MGAT4C: variants seen among roughly 807,000 people sequenced by gnomAD.
MGAT4C encodes MGAT4 family member C.
In MGAT4C, 19 loss-of-function variants were observed where a neutral mutation model predicts 40.1. That is an observed-to-expected ratio of 0.47 (90% CI 0.33 to 0.70). MGAT4C has a LOEUF of 0.70. Among genes scored for constraint, MGAT4C ranks in the 30% least tolerant of loss-of-function variants. The pLI, the probability that MGAT4C is intolerant of heterozygous loss-of-function variation, is 0.02. For missense variants in MGAT4C, 491 were observed against 563.2 expected, an observed-to-expected ratio of 0.87 and a Z score of 1.30; for synonymous variants, 181 against 187.1, an observed-to-expected ratio of 0.97 and a Z score of 0.27.
intron 2 of MGAT4C, among the ~76,000 whole-genome samples, chr12:86,721,772 C>A (rs1232637518): frequency 6.6e-6 from 1 of 152,050 alleles, no homozygotes; most frequent in East Asian, 1.9e-4. Context: ...AACAAAAAAA[C>A]ACACGCAGTT....
At chr12:86,163,054 C>A (rs997769606) in intron 1 of MGAT4C, among the ~76,000 whole-genome samples, 1 of 152,156 alleles carries the variant, frequency 6.6e-6, no homozygotes, top group African/African-American at 2.4e-5. Flanking sequence ...TTTCAAATCT[C>A]ATGAAAATCT....
chr12:86,014,456 G>A (rs1399951145), intron 2 of MGAT4C, among the ~76,000 whole-genome samples: 1 of 152,224 alleles, frequency 6.6e-6, no homozygotes, highest in East Asian at 1.9e-4. Context: ...CTGCCTTGCT[G>A]TGCTGCGATG....
chr12:86,328,808 A>G (rs78633097), intron 4 of MGAT4C, among the ~76,000 whole-genome samples: 2,850 of 152,156 alleles, frequency 0.019, 82 homozygotes, highest in African/African-American at 0.054. Flanking sequence ...AGCTGACTTT[A>G]AAATAAAATA....
chr12:85,988,498 TGTTA>T (rs1350025858), intron 3 of MGAT4C, among the ~76,000 whole-genome samples: 5 of 152,212 alleles, frequency 3.3e-5, no homozygotes, highest in South Asian at 2.1e-4. Context: ...TTTTAGTTCC[TGTTA>T]GTTGTAAAGG....
chr12:86,179,451 T>C lies in MGAT4C; in HGVS notation c.-57+76788A>G, dbSNP rs537491965. Among the ~76,000 whole-genome samples the C allele has an allele frequency of 2.0e-5, 3 of 152,018 alleles. No individual in the cohort carries two copies. The Middle Eastern group carries it at 0.01, about 517-fold the overall frequency. ...TTTGGAACTGGGTAATAGGCAGAGGTTGGAACAGTTTGGAGGGGTCAGAAG... is the reference window on the plus strand; with the variant it reads ...TTTGGAACTGGGTAATAGGCAGAGGCTGGAACAGTTTGGAGGGGTCAGAAG... On this transcript the variant is annotated intron_variant, in intron 1 of 4. Transcript: ENST00000611864.
chr12:86,173,683 T>C (rs1160568210), intron 1 of MGAT4C, among the ~76,000 whole-genome samples: 3 of 152,152 alleles, frequency 2.0e-5, no homozygotes, highest in African/African-American at 7.2e-5. Context: ...TAGGGAAATA[T>C]ATAGTTTAAC....
chr12:86,396,069 A>G (rs565257039), intron 3 of MGAT4C, among the ~76,000 whole-genome samples: 1 of 152,238 alleles, frequency 6.6e-6, no homozygotes, highest in South Asian at 2.1e-4. Flanking sequence ...TCTCCAGGTA[A>G]TAACTATCAT....
intron 3 of MGAT4C, among the ~76,000 whole-genome samples, chr12:86,410,680 TAA>T (rs1194298936): frequency 6.6e-6 from 1 of 152,150 alleles, no homozygotes. Flanking sequence ...GAGATTAAAG[TAA>T]AGACAGGCAT....
intron 3 of MGAT4C, among the ~76,000 whole-genome samples, chr12:86,409,954 A>G (rs1274827414): frequency 6.6e-6 from 1 of 152,118 alleles, no homozygotes; most frequent in African/African-American, 2.4e-5. Flanking sequence ...TAGGTCTGTG[A>G]TGTCTGCCTG....
At chr12:86,486,255 G>A (rs978016847) in intron 2 of MGAT4C, among the ~76,000 whole-genome samples, 9 of 152,078 alleles carry the variant, frequency 5.9e-5, no homozygotes, top group African/African-American at 2.2e-4. Context: ...CACTTAAAGA[G>A]GATAGAGTAG....
chr12:86,328,870 C>A (rs2136170822), intron 4 of MGAT4C, among the ~76,000 whole-genome samples: 1 of 150,702 alleles, frequency 6.6e-6, no homozygotes, highest in African/African-American at 2.4e-5. Flanking sequence ...CTTTGGGAAG[C>A]CAAGGTGGGC....
At chr12:86,355,997 T>C (rs1213372109) in intron 3 of MGAT4C, among the ~76,000 whole-genome samples, 1 of 152,056 alleles carries the variant, frequency 6.6e-6, no homozygotes, top group Non-Finnish European at 1.5e-5. Flanking sequence ...GTTGCATAAA[T>C]AAAGAAACCC....
chr12:86,600,513 A>T (rs1055758016), intron 2 of MGAT4C, among the ~76,000 whole-genome samples: 1 of 152,228 alleles, frequency 6.6e-6, no homozygotes, highest in African/African-American at 2.4e-5. Flanking sequence ...TTAGGATGTC[A>T]CAAATCTCGT....
At chr12:86,252,116 A>G (rs938939881) in intron 1 of MGAT4C, among the ~76,000 whole-genome samples, 3 of 152,034 alleles carry the variant, frequency 2.0e-5, no homozygotes, top group Non-Finnish European at 4.4e-5. Flanking sequence ...AAGAAGTGGA[A>G]AAGTCTTCAT....
rs1404637749 is a variant in MGAT4C, at chr12:86,385,933, T to A, written c.-120+49224A>T. ...ATCAGTAATTATTTTTTATTTTTTA[T>A]TTATTTATTTTTTTTGAGACGGAGT... On this transcript the variant is annotated intron_variant, in intron 3 of 7. Transcript: ENST00000548651. Among the ~76,000 whole-genome samples the A allele has an allele frequency of 2.6e-5, 4 of 152,282 alleles. No individual in the cohort carries two copies. The South Asian group carries it at 8.3e-4, about 32-fold the overall frequency.
At chr12:86,204,407 C>T (rs1266030587) in intron 1 of MGAT4C, among the ~76,000 whole-genome samples, 7 of 151,954 alleles carry the variant, frequency 4.6e-5, no homozygotes, top group Non-Finnish European at 4.4e-5. Context: ...AAAATAACTG[C>T]TGCAAAGAAG....
At chr12:86,061,812 C>T (rs1894002185) in intron 1 of MGAT4C, among the ~76,000 whole-genome samples, 1 of 152,260 alleles carries the variant, frequency 6.6e-6, no homozygotes, top group African/African-American at 2.4e-5. Flanking sequence ...TGTGTTCAGA[C>T]TGCCTCTCTA....
chr12:86,117,140 AAGGTGTACCTC>A (rs1283911881), intron 1 of MGAT4C, among the ~76,000 whole-genome samples: 1 of 152,130 alleles, frequency 6.6e-6, no homozygotes, highest in African/African-American at 2.4e-5. Flanking sequence ...GTTCTACTCA[AAGGTGTACCTC>A]ACTTCTCCTC....
At chr12:86,525,133 A>G (rs1958859134) in intron 2 of MGAT4C, among the ~76,000 whole-genome samples, 1 of 152,182 alleles carries the variant, frequency 6.6e-6, no homozygotes, top group Non-Finnish European at 1.5e-5. Flanking sequence ...TAATCTCCAC[A>G]TGTCAGAGGA....
Sources: allele counts gnomAD v4.1 joint callset (sites outside exome capture counted in the v4.1 genomes callset), GRCh38; gene constraint gnomAD v4.1.1; transcripts MANE v1.5; gene names NCBI Gene and HGNC (gene_info 2026-07-23, HGNC 2026-07-21).